OSBPL10: variants seen among roughly 807,000 people sequenced by gnomAD.
OSBPL10 encodes the protein oxysterol binding protein like 10.
OSBPL10 carries 49 observed loss-of-function variants against 81.7 expected under a neutral mutation model. The observed-to-expected ratio is 0.60, with a 90% confidence interval of 0.48 to 0.76. The LOEUF is 0.76. Among genes scored for constraint, OSBPL10 ranks in the 30% least tolerant of loss-of-function variants. The pLI is 0.00. For missense variants in OSBPL10, 923 were observed against 987.8 expected, an observed-to-expected ratio of 0.93 and a Z score of 0.88; for synonymous variants, 419 against 383.6, an observed-to-expected ratio of 1.09 and a Z score of -1.08.
chr3:31,670,478 A>G (rs905717364), intron 9 of OSBPL10, among the ~76,000 whole-genome samples: 4 of 152,326 alleles, frequency 2.6e-5, no homozygotes, highest in Middle Eastern at 3.4e-3. Context: ...CTGGGTTCAT[A>G]GATTCAATCA....
intron 6 of OSBPL10, among the ~76,000 whole-genome samples, chr3:31,717,493 T>C (rs1436237202): frequency 6.6e-6 from 1 of 152,180 alleles, no homozygotes; most frequent in Non-Finnish European, 1.5e-5. Context: ...GGCTCTAGCA[T>C]TTTGTAGAAA....
chr3:32,061,962 AT>A (rs113031345), intron 1 of OSBPL10, among the ~76,000 whole-genome samples: 52,269 of 89,214 alleles, frequency 0.59, 22,477 homozygotes, highest in East Asian at 0.84. Context: ...TCACTTTTTA[AT>A]TTTTTTTCAA....
At position 31,677,804 on chromosome 3, in the gene OSBPL10, G is replaced by A. The variant is rs551397141; in HGVS notation, c.1726+5830C>T. On this transcript the variant is annotated intron_variant, in intron 8 of 11. Transcript: ENST00000396556. Reference sequence around the variant, plus strand: ...GCCAACATAAGACAGAGCAAAGGCCGGGCGCGGTGGCTCACGCCTGTAATC... The same window carrying A: ...GCCAACATAAGACAGAGCAAAGGCCAGGCGCGGTGGCTCACGCCTGTAATC... Among the ~76,000 whole-genome samples the A allele has an allele frequency of 1.1e-3, 166 of 150,088 alleles. 3 individuals are homozygous for A. The highest frequency in any genetic ancestry group is 3.7e-3 in the African/African-American group (147 of 39,496).
chr3:31,934,410 CTTT>C (rs11456297), intron 1 of OSBPL10, among the ~76,000 whole-genome samples: 2 of 141,722 alleles, frequency 1.4e-5, no homozygotes, highest in Non-Finnish European at 1.5e-5. Flanking sequence ...AAAATTCATT[CTTT>C]TTTTTTTTTT....
chr3:31,922,682 T>A (rs573968464), intron 1 of OSBPL10, among the ~76,000 whole-genome samples: 14 of 152,250 alleles, frequency 9.2e-5, no homozygotes, highest in Admixed American at 3.3e-4. Context: ...TTAATTTTTT[T>A]TAAAAAACTG....
chr3:31,801,984 C>T (rs1043407649), intron 4 of OSBPL10, among the ~76,000 whole-genome samples: 5 of 151,874 alleles, frequency 3.3e-5, no homozygotes, highest in East Asian at 2.0e-4. Context: ...CCACCATGCC[C>T]GGCTAATTTT....
intron 1 of OSBPL10, among the ~76,000 whole-genome samples, chr3:31,954,734 A>G (rs1053941649): frequency 2.0e-5 from 3 of 152,172 alleles, no homozygotes; most frequent in African/African-American, 4.8e-5. Context: ...TACACTTAGG[A>G]TTTGTGCATT....
At chr3:31,986,604 A>T (rs1297744735) in intron 2 of OSBPL10, among the ~76,000 whole-genome samples, 1 of 150,060 alleles carries the variant, frequency 6.7e-6, no homozygotes, top group African/African-American at 2.5e-5. Context: ...AAAAGTTTAT[A>T]TTTTTTTATA....
chr3:31,723,329 C>T (rs7645922), intron 6 of OSBPL10, among the ~76,000 whole-genome samples: 13,928 of 152,134 alleles, frequency 0.092, 1,550 homozygotes, highest in African/African-American at 0.27. Flanking sequence ...ATGGAGTCCA[C>T]GGCCTTGGCC....
At position 31,883,721 on chromosome 3, in the gene OSBPL10, AG is replaced by A. The variant is rs1185792572; in HGVS notation, c.282-3892del. Among the ~76,000 whole-genome samples the A allele has an allele frequency of 6.6e-5, 10 of 151,752 alleles. No individual in the cohort carries two copies. The East Asian group carries it at 1.9e-3, about 29-fold the overall frequency. ...TAATTTTTGCATTTTCAGTAGAGAC[AG>A]GGTTTCGCCATGTTGGCCAGGCAGG... On this transcript the variant is annotated intron_variant, in intron 1 of 11. Transcript: ENST00000396556.
intron 1 of OSBPL10, among the ~76,000 whole-genome samples, chr3:31,971,331 G>T (rs1026585858): frequency 6.6e-6 from 1 of 151,948 alleles, no homozygotes; most frequent in Admixed American, 6.6e-5. Context: ...GTAGAGACAG[G>T]GTTTCGCCAT....
chr3:31,731,162 T>C (rs572831309), intron 6 of OSBPL10, among the ~76,000 whole-genome samples: 2 of 152,256 alleles, frequency 1.3e-5, no homozygotes, highest in Admixed American at 6.5e-5. Flanking sequence ...AGAAAAATAG[T>C]GTCCAAGCTC....
intron 1 of OSBPL10, among the ~76,000 whole-genome samples, chr3:32,076,674 G>A (rs1699880461): frequency 6.6e-6 from 1 of 152,150 alleles, no homozygotes; most frequent in African/African-American, 2.4e-5. Flanking sequence ...CTGTGCGGGA[G>A]ACCAGAGTTT....
At chr3:31,824,151 C>G (rs945045987) in intron 4 of OSBPL10, among the ~76,000 whole-genome samples, 1 of 152,162 alleles carries the variant, frequency 6.6e-6, no homozygotes, top group African/African-American at 2.4e-5. Flanking sequence ...TGAGCCACCA[C>G]GCCCTGCCCC....
chr3:31,893,155 T>C (rs1366552300), intron 1 of OSBPL10, among the ~76,000 whole-genome samples: 2 of 152,202 alleles, frequency 1.3e-5, no homozygotes, highest in Admixed American at 1.3e-4. Context: ...CTCTGGCCAA[T>C]CTTTGACTAA....
chr3:31,900,705 T>C (rs1487929414), intron 1 of OSBPL10, among the ~76,000 whole-genome samples: 1 of 152,266 alleles, frequency 6.6e-6, no homozygotes, highest in Non-Finnish European at 1.5e-5. Flanking sequence ...TTCAATTCAA[T>C]TAACTCTTTG....
chr3:31,771,849 A>G (rs1341811224), intron 4 of OSBPL10, among the ~76,000 whole-genome samples: 2 of 151,950 alleles, frequency 1.3e-5, no homozygotes, highest in Non-Finnish European at 2.9e-5. Context: ...ACAGAAATCA[A>G]CTCTCTTCTT....
chr3:31,814,772 T>C (rs1416479451), intron 4 of OSBPL10, among the ~76,000 whole-genome samples: 9 of 152,192 alleles, frequency 5.9e-5, no homozygotes, highest in African/African-American at 1.2e-4. Flanking sequence ...AGCGTATTAA[T>C]AGAGGATCCA....
chr3:31,939,447 C>G (rs76611111), intron 1 of OSBPL10, among the ~76,000 whole-genome samples: 1 of 151,018 alleles, frequency 6.6e-6, no homozygotes. Flanking sequence ...CTGGCCAACT[C>G]TTTCATCTTA....
Sources: gnomAD v4.1 joint callset for allele counts (sites outside exome capture counted in the v4.1 genomes callset) on GRCh38, gnomAD v4.1.1 for gene constraint, MANE v1.5 for transcripts, NCBI Gene and HGNC (gene_info 2026-07-23, HGNC 2026-07-21) for gene names.